The following ZNF728 variants were observed in gnomAD, a reference collection of about 807,000 sequenced individuals.
The protein encoded by ZNF728 is zinc finger protein 728.
In ZNF728, 12 loss-of-function variants were observed where a neutral mutation model predicts 12.5. The observed-to-expected ratio is 0.96, with a 90% CI of 0.61 to 1.55. ZNF728 has a LOEUF of 1.55. Among genes scored for constraint, ZNF728 ranks in the 40% most tolerant of loss-of-function variants. The pLI is 0.00. For synonymous variants in ZNF728, 205 were observed against 240.7 expected (o/e 0.85, Z 1.37); for missense variants, 692 against 719.2 (o/e 0.96, Z 0.43).
Position 22,975,222 on chromosome 19 carries a change from G to A in ZNF728, c.*246C>T, listed in dbSNP as rs140375368. 1.4e-4 allele frequency among the ~76,000 whole-genome samples: 21 copies of A among 152,128 alleles called. No individual in the cohort carries two copies. In the East Asian group the frequency reaches 2.3e-3, roughly 17 times the overall value. Reference sequence around the variant, plus strand: ...AGAGGCTTTCCCACATTCTTCACACGTGTATGGTTTCTCTCCAGTATGAGT... The same window carrying A: ...AGAGGCTTTCCCACATTCTTCACACATGTATGGTTTCTCTCCAGTATGAGT... On this transcript the variant is annotated 3_prime_UTR_variant, in exon 4 of 4. Transcript: ENST00000594710.
At chr19:22,982,186 A>T (rs1232110228) in intron 3 of ZNF728, among the ~76,000 whole-genome samples, 3 of 152,250 alleles carry the variant, frequency 2.0e-5, no homozygotes, top group African/African-American at 7.2e-5. Flanking sequence ...CTCAGGACAC[A>T]AAATCAATGT....
rs755662675 is a variant in ZNF728 at position 22,975,760 on chromosome 19, T to C, written c.1577A>G (p.His526Arg). The C allele has an allele frequency of 1.9e-6, 3 of 1,612,154 alleles. No homozygotes were observed. Among genetic ancestry groups the C allele is most frequent in the Non-Finnish European group, 1.7e-6 (2 of 1,179,914 alleles). Residue 526 changes from histidine to arginine, a missense_variant, in exon 4 of 4, where the codon CAT becomes CGT. His to Arg is a conservative substitution (Grantham distance 29, BLOSUM62 0). Transcript: ENST00000594710. ...AFSKVANLTK[H>R]KVIHTGEKQY... ...TTTCTCTCCAGTATGAATTACCTTA[T>C]GTTTAGTAAGGTTTGCAACCTTACT...
intron 1 of ZNF728, among the ~76,000 whole-genome samples, chr19:22,994,044 C>T (rs146320253): frequency 6.6e-6 from 1 of 152,260 alleles, no homozygotes; most frequent in Non-Finnish European, 1.5e-5. Context: ...ATTCTCATGT[C>T]TACAGGTCTG....
intron 1 of ZNF728, among the ~76,000 whole-genome samples, chr19:22,992,226 C>T (rs1389584062): frequency 6.6e-6 from 1 of 151,904 alleles, no homozygotes; most frequent in East Asian, 1.9e-4. Context: ...ACCATGACTG[C>T]TTCATCTATT....
intron 3 of ZNF728, among the ~76,000 whole-genome samples, chr19:22,980,463 C>T (rs1392917052): frequency 6.6e-6 from 1 of 151,966 alleles, no homozygotes; most frequent in Non-Finnish European, 1.5e-5. Flanking sequence ...TCAATATTAG[C>T]CCCATCAATG....
At chr19:22,979,038 A>G (rs1490017335) in intron 3 of ZNF728, among the ~76,000 whole-genome samples, 1 of 152,184 alleles carries the variant, frequency 6.6e-6, no homozygotes, top group African/African-American at 2.4e-5. Flanking sequence ...TAGTCTTCAG[A>G]GGTGGGTGGG....
In ZNF728 at chr19:22,976,214, T is replaced by C. The variant is rs1166165628; in HGVS notation, c.1123A>G (p.Lys375Glu). The change falls in exon 4 of 4, where the codon AAA (lysine) becomes GAA (glutamate). Residue 375 changes from lysine (K) to glutamate (E), a missense_variant. Coordinates refer to ENST00000594710, the MANE Select transcript of ZNF728 (RefSeq NM_001267716.2). ...AGGCTTGAGGGCCAGCTGAAGGCTT[T>C]GCCACATTCTTCACATTTGTAGGGT... ...EKPYKCEECG[K>E]AFSWPSSLTE... 6.2e-7 allele frequency: 1 copy of C among 1,613,552 alleles called. No homozygotes were observed. The highest frequency in any genetic ancestry group is 1.3e-5 in the African/African-American group (1 of 74,942).
At position 22,988,425 on chromosome 19, in the gene ZNF728, G is replaced by A; in HGVS notation, c.30C>T (p.Ala10=). 1 of 1,613,978 alleles carries A rather than the reference G, an allele frequency of 6.2e-7. No individual in the cohort carries two copies. Among genetic ancestry groups the A allele is most frequent in the South Asian group, 1.1e-5 (1 of 91,072 alleles). ...GCCACTCCTCCAGAGAGAATTGTAT[G>A]GCCACATCCCGAAATGTCAACGATC... MGSLTFRDV[A]IQFSLEEWQC... is the part of the protein sequence containing the mutation. The change falls in exon 2 of 4, where the codon GCC becomes GCT. Residue 10 remains alanine, a synonymous_variant. Coordinates refer to ENST00000594710, the MANE Select transcript of ZNF728 (RefSeq NM_001267716.2).
intron 3 of ZNF728, among the ~76,000 whole-genome samples, chr19:22,978,490 C>G (rs1484425960): frequency 6.6e-6 from 1 of 152,206 alleles, no homozygotes; most frequent in Non-Finnish European, 1.5e-5. Context: ...AAAAACAACA[C>G]CTAGCGTTTG....
intron 1 of ZNF728, among the ~76,000 whole-genome samples, chr19:22,999,169 C>G (rs1372802158): frequency 6.6e-6 from 1 of 151,990 alleles, no homozygotes; most frequent in Admixed American, 6.6e-5. Context: ...TTGCTTTTCC[C>G]TAGGAAAAAA....
intron 1 of ZNF728, among the ~76,000 whole-genome samples, chr19:22,999,856 G>C (rs1969088017): frequency 6.6e-6 from 1 of 152,026 alleles, no homozygotes; most frequent in Non-Finnish European, 1.5e-5. Context: ...ACAGGATATA[G>C]AACAAAGATA....
At chr19:22,978,488 C>T (rs1007223460) in intron 3 of ZNF728, among the ~76,000 whole-genome samples, 4 of 152,142 alleles carry the variant, frequency 2.6e-5, no homozygotes, top group African/African-American at 4.8e-5. Flanking sequence ...AAAAAAACAA[C>T]ACCTAGCGTT....
chr19:22,991,063 C>T (rs115600757), intron 1 of ZNF728, among the ~76,000 whole-genome samples: 1 of 152,288 alleles, frequency 6.6e-6, no homozygotes, highest in African/African-American at 2.4e-5. Flanking sequence ...GTCCCTTACA[C>T]CCAGCACTCT....
chr19:22,976,710 G>A lies in ZNF728; in HGVS notation c.627C>T (p.Ala209=), dbSNP rs1274713651. 1.2e-6 allele frequency: 2 copies of A among 1,613,266 alleles called. No homozygotes were observed. The highest frequency in any genetic ancestry group is 1.7e-5 in the Admixed American group (1 of 59,910). The change falls in exon 4 of 4, where the codon GCC becomes GCT. Residue 209 remains alanine (A), a synonymous_variant. Transcript: ENST00000594710. ...AAGTAAGGGCTGAGGACCAGTTAAA[G>A]GCTTTGCCATGTTCTTCACTTTTGT... ...NSYKSEEHGK[A]FNWSSALTYK...
chr19:22,998,178 C>G (rs1969069101), intron 1 of ZNF728, among the ~76,000 whole-genome samples: 1 of 152,062 alleles, frequency 6.6e-6, no homozygotes, highest in Non-Finnish European at 1.5e-5. Flanking sequence ...TTCACAACAG[C>G]AAAGACACGG....
intron 1 of ZNF728, among the ~76,000 whole-genome samples, chr19:22,994,784 A>C (rs1434801950): frequency 2.0e-5 from 3 of 152,176 alleles, no homozygotes; most frequent in Admixed American, 1.3e-4. Context: ...TTTACATTTT[A>C]AAGCAATAGG....
At position 22,995,439 on chromosome 19, in the gene ZNF728, A is replaced by AT. The variant is rs376938619; in HGVS notation, c.4-6989dup. ...ATAAAGGGGGCATATTCTCAGCAGA[A>AT]TTTTTTTTTTTTTTTGAGATGGAGT... On this transcript the variant is annotated intron_variant, in intron 1 of 3. Transcript: ENST00000594710. 1.4e-3 allele frequency: 208 copies of AT among 144,622 alleles called. 1 individual carries two copies. The highest frequency in any genetic ancestry group is 1.7e-3 in the Non-Finnish European group (111 of 65,518). The allele number at this position is 144,622 out of a possible 1,614,324, so 9.0% of individuals were successfully genotyped here.
At position 22,987,423 on chromosome 19, in the gene ZNF728, TAA is replaced by T. The variant is rs1968929600; in HGVS notation, c.131-22_131-21del. The T allele has an allele frequency of 1.3e-6, 2 of 1,587,272 alleles. No individual in the cohort carries two copies. Among genetic ancestry groups the T allele is most frequent in the Non-Finnish European group, 8.6e-7 (1 of 1,167,640 alleles). ...CAATACCTGTTTTATTAAAAATGAG[TAA>T]CATGCATCTTGCTCATATTCTCCAA... On this transcript the variant is annotated intron_variant, in intron 2 of 3. Coordinates refer to ENST00000594710, the MANE Select transcript of ZNF728 (RefSeq NM_001267716.2).
chr19:23,002,206 CT>C (rs1341661567), intron 1 of ZNF728, among the ~76,000 whole-genome samples: 1 of 152,110 alleles, frequency 6.6e-6, no homozygotes, highest in Non-Finnish European at 1.5e-5. Flanking sequence ...TCCCAGCTAC[CT>C]GAGAGGCTAA....
Sources: gnomAD v4.1 joint callset for allele counts (sites outside exome capture counted in the v4.1 genomes callset) on GRCh38, gnomAD v4.1.1 for gene constraint, MANE v1.5 for transcripts, NCBI Gene and HGNC (gene_info 2026-07-23, HGNC 2026-07-21) for gene names.